FOXK1: variants seen among roughly 807,000 people sequenced by gnomAD.
FOXK1 encodes the protein forkhead box K1.
FOXK1 carries 19 observed loss-of-function variants against 51.9 expected under a neutral mutation model. That is an observed-to-expected ratio of 0.37 (90% CI 0.26 to 0.54). The LOEUF is 0.54. Ranked by LOEUF, FOXK1 falls within the 20% of genes least tolerant of loss-of-function variation. The pLI, the probability that FOXK1 is intolerant of heterozygous loss-of-function variation, is 0.87. For missense variants in FOXK1, 870 were observed against 1,032.7 expected (o/e 0.84, Z 2.16); for synonymous variants, 537 against 482.6 (o/e 1.11, Z -1.48).
intron 1 of FOXK1, among the ~76,000 whole-genome samples, chr7:4,699,560 G>C (rs1221848702): frequency 1.3e-5 from 2 of 151,912 alleles, no homozygotes; most frequent in African/African-American, 4.8e-5. Flanking sequence ...TAGAGACAGG[G>C]TTTCACCATG....
At position 4,682,849 on chromosome 7, in the gene FOXK1, G is replaced by A; in HGVS notation, c.541G>A (p.Ala181Thr). Residue 181 changes from alanine (A) to threonine (T), a missense_variant, in exon 1 of 9, where the codon GCC (alanine) becomes ACC (threonine). Physicochemically the swap from Ala to Thr is moderately conservative, Grantham distance 58. Transcript: ENST00000328914. The surrounding 1 kb of genome is among the most constrained non-coding windows in gnomAD (Gnocchi z 7.6). ...GGCCTTCCAGAGACGCGGCGCGCCCGCCCTGCAGCTGCCCAAGCAGTGAGT... is the reference window on the plus strand; with the variant it reads ...GGCCTTCCAGAGACGCGGCGCGCCCACCCTGCAGCTGCCCAAGCAGTGAGT... ...DGAFQRRGAP[A>T]LQLPKQCTFR... The A allele has an allele frequency of 6.4e-7, 1 of 1,555,400 alleles. No homozygotes were observed. The highest frequency in any genetic ancestry group is 1.8e-5 in the Admixed American group (1 of 56,852).
chr7:4,724,835 T>C (rs561460308), intron 1 of FOXK1, among the ~76,000 whole-genome samples: 2 of 152,364 alleles, frequency 1.3e-5, no homozygotes, highest in East Asian at 3.9e-4. Context: ...GGTAGCTCTC[T>C]GCCCACCTCT....
At position 4,745,452 on chromosome 7, in the gene FOXK1, A is replaced by G. The variant is rs377624181; in HGVS notation, c.746+4429A>G. Among the ~76,000 whole-genome samples, 1 of 137,622 alleles carries G rather than the reference A, an allele frequency of 7.3e-6. No homozygotes were observed. The highest frequency in any genetic ancestry group is 2.7e-4 in the South Asian group (1 of 3,662). The allele number at this position is 137,622 out of a possible 152,430, so 90.3% of individuals were successfully genotyped here. On this transcript the variant is annotated intron_variant, in intron 2 of 8. Coordinates refer to ENST00000328914, the MANE Select transcript of FOXK1 (RefSeq NM_001037165.2). This position sits in a 1 kb window ranked among gnomAD's most constrained non-coding sequence, Gnocchi z 4.3. ...GCTCCTTTTCCCAGGGTGGGTGGGT[A>G]TGGGTGTGGGTGTGTGGTTTTGTGT...
chr7:4,754,358 T>C, intron 2 of FOXK1, 101 bp from the exon 3 acceptor site: 1 of 1,368,648 alleles, frequency 7.3e-7, no homozygotes, highest in Non-Finnish European at 1.0e-6. Context: ...TGTGAGCTTC[T>C]TCCCCACAGC....
chr7:4,744,309 T>C (rs1300550096), intron 2 of FOXK1, among the ~76,000 whole-genome samples: 1 of 152,166 alleles, frequency 6.6e-6, no homozygotes, highest in Non-Finnish European at 1.5e-5. Context: ...ATTTGTGACA[T>C]GGGTATATTA....
intron 2 of FOXK1, among the ~76,000 whole-genome samples, chr7:4,751,717 T>C (rs970569436): frequency 1.3e-5 from 2 of 152,206 alleles, no homozygotes; most frequent in Non-Finnish European, 1.5e-5. Context: ...AACAAACACA[T>C]GTGGTCCCTC....
At chr7:4,684,128 C>T (rs1207549498) in intron 1 of FOXK1, among the ~76,000 whole-genome samples, 1 of 152,200 alleles carries the variant, frequency 6.6e-6, no homozygotes, top group South Asian at 2.1e-4. Flanking sequence ...TGCTCTGCCC[C>T]GGACCTCAAG....
chr7:4,733,593 G>A lies in FOXK1; in HGVS notation c.561-7245G>A, dbSNP rs1780510096. 6.6e-6 allele frequency among the ~76,000 whole-genome samples: 1 copy of A among 152,224 alleles called. No individual in the cohort carries two copies. Among genetic ancestry groups the A allele is most frequent in the Non-Finnish European group, 1.5e-5 (1 of 68,046 alleles). On this transcript the variant is annotated intron_variant, in intron 1 of 8. Transcript: ENST00000328914. This position sits in a 1 kb window ranked among gnomAD's most constrained non-coding sequence, Gnocchi z 5.0. ...GCAGAGAAACATGGTCTTCAGTTGGGTGGACGTTTCTCTGTCTCCATGTTT... is the reference window on the plus strand; with the variant it reads ...GCAGAGAAACATGGTCTTCAGTTGGATGGACGTTTCTCTGTCTCCATGTTT...
Position 4,682,515 on chromosome 7 carries a change from C to T in FOXK1, c.207C>T (p.Gly69=). 5 of 1,077,514 alleles carry T rather than the reference C, an allele frequency of 4.6e-6. No homozygotes were observed. The highest frequency in any genetic ancestry group is 4.3e-5 in the South Asian group (1 of 23,002). 66.7% of individuals were successfully genotyped at this position (1,077,514 alleles called of 1,614,324 possible). A position where few individuals can be genotyped will look rare whatever the true frequency, so the allele number is the denominator to read the frequency against. Residue 69 remains glycine, a synonymous_variant, in exon 1 of 9, where the codon GGC becomes GGT. Transcript: ENST00000328914. The surrounding 1 kb of genome is among the most constrained non-coding windows in gnomAD (Gnocchi z 7.6). ...PLPPGAIAGA[G]SSGGSSGVSG... ...CTCCGGGCGCGATCGCGGGCGCGGG[C>T]TCCTCCGGGGGCTCCTCCGGGGTAT...
intron 2 of FOXK1, among the ~76,000 whole-genome samples, chr7:4,752,532 T>G (rs1203889183): frequency 6.6e-6 from 1 of 152,230 alleles, no homozygotes; most frequent in African/African-American, 2.4e-5. Context: ...CACTGTTTGT[T>G]GTGGAGTGCT....
chr7:4,717,482 CAT>C (rs1780251214), intron 1 of FOXK1, among the ~76,000 whole-genome samples: 1 of 113,372 alleles, frequency 8.8e-6, no homozygotes, highest in Non-Finnish European at 1.7e-5. Flanking sequence ...GGCTGGGAGG[CAT>C]GTGGCTGGGA....
chr7:4,704,450 C>CAA (rs3050383), intron 1 of FOXK1, among the ~76,000 whole-genome samples: 7,745 of 66,180 alleles, frequency 0.12, 283 homozygotes, highest in Non-Finnish European at 0.14. Flanking sequence ...GACTCTGTCT[C>CAA]AAAAAAAAAA....
At chr7:4,757,466 T>C (rs558997677) in intron 5 of FOXK1, among the ~76,000 whole-genome samples, 1 of 151,468 alleles carries the variant, frequency 6.6e-6, no homozygotes, top group Non-Finnish European at 1.5e-5. Context: ...CTGCCTCTAC[T>C]AAAAAAATTC....
rs899740119 is a variant in FOXK1, at chr7:4,764,545, G to C, written c.*2081G>C. On this transcript the variant is annotated 3_prime_UTR_variant, in exon 9 of 9. Transcript: ENST00000328914. Reference sequence around the variant, plus strand: ...TCTTTCCGTGGTGCCTGGTGTGTGCGTGCATGGCGTGAGAGAACGGGGGGT... The same window carrying C: ...TCTTTCCGTGGTGCCTGGTGTGTGCCTGCATGGCGTGAGAGAACGGGGGGT... 2.6e-5 allele frequency: 4 copies of C among 153,444 alleles called. No homozygotes were observed. Among genetic ancestry groups the C allele is most frequent in the African/African-American group, 9.6e-5 (4 of 41,458 alleles). The allele number at this position is 153,444 out of a possible 1,614,324, so 9.5% of individuals were successfully genotyped here.
At chr7:4,754,739 G>C in intron 3 of FOXK1, 124 bp downstream of exon 3, 1 of 1,233,724 alleles carries the variant, frequency 8.1e-7, no homozygotes, top group Non-Finnish European at 1.1e-6. Context: ...TCAGCCCACA[G>C]GGAATGGAGC....
At chr7:4,717,733 A>G (rs1307556251) in intron 1 of FOXK1, among the ~76,000 whole-genome samples, 3 of 152,122 alleles carry the variant, frequency 2.0e-5, no homozygotes, top group Non-Finnish European at 4.4e-5. Flanking sequence ...CTTCATCTGC[A>G]CGAGGAGGCG....
rs1781027986 is a variant in FOXK1 at position 4,767,381 on chromosome 7, GT to G, written c.*4918del. On this transcript the variant is annotated 3_prime_UTR_variant, in exon 9 of 9. Transcript: ENST00000328914. The surrounding 1 kb of genome is among the most constrained non-coding windows in gnomAD (Gnocchi z 6.6). ...CCTGCGGGCGGCCTGGCTGCGGTAG[GT>G]CTGCTGCAAGGAGCCACCACGGGGA... is the stretch of plus-strand genomic sequence containing the variant. The G allele has an allele frequency of 6.6e-6, 1 of 152,278 alleles. No homozygotes were observed. Among genetic ancestry groups the G allele is most frequent in the Non-Finnish European group, 1.5e-5 (1 of 68,070 alleles). 9.4% of individuals were successfully genotyped at this position (152,278 alleles called of 1,614,324 possible). A position where few individuals can be genotyped will look rare whatever the true frequency, so the allele number is the denominator to read the frequency against.
At chr7:4,688,222 G>C (rs1321868954) in intron 1 of FOXK1, among the ~76,000 whole-genome samples, 1 of 132,352 alleles carries the variant, frequency 7.6e-6, no homozygotes, top group African/African-American at 2.8e-5. Context: ...ATCTTACTTT[G>C]TCTATAAATA....
chr7:4,760,409 C>T (rs553709888), intron 7 of FOXK1, among the ~76,000 whole-genome samples: 1 of 152,286 alleles, frequency 6.6e-6, no homozygotes, highest in South Asian at 2.1e-4. Flanking sequence ...TTCCTCTCCG[C>T]GGTGGTGTTT....
Sources: gnomAD v4.1 joint callset for allele counts (sites outside exome capture counted in the v4.1 genomes callset) on GRCh38, gnomAD v4.1.1 for gene constraint, Gnocchi (gnomAD v3.1) non-coding constraint, MANE v1.5 for transcripts, NCBI Gene and HGNC (gene_info 2026-07-23, HGNC 2026-07-21) for gene names.